MTCH2: variants seen among roughly 807,000 people sequenced by gnomAD.
MTCH2 encodes the protein mitochondrial carrier homolog 2.
Under a neutral mutation model 50.6 loss-of-function variants are expected in MTCH2, and 25 were observed. The observed-to-expected ratio is 0.49, with a 90% CI of 0.36 to 0.69. The LOEUF (loss-of-function observed/expected upper bound fraction) is 0.69, where lower values mean the gene tolerates loss of function less well. Ranked by LOEUF, MTCH2 falls within the 30% of genes least tolerant of loss-of-function variation. MTCH2 has a pLI of 0.00. For missense variants in MTCH2, 273 were observed against 384.4 expected, an observed-to-expected ratio of 0.71 and a Z score of 2.42; for synonymous variants, 106 against 132.0, an observed-to-expected ratio of 0.80 and a Z score of 1.35.
At position 47,638,694 on chromosome 11, in the gene MTCH2, CT is replaced by C; in HGVS notation, c.279+4del. On this transcript the variant is annotated splice_donor_region_variant and intron_variant, in intron 3 of 12. Transcript: ENST00000302503. ...ATGGGAAGATTGATTTAATTTTCCT[CT>C]TACCTGTAAAACTTTACCATGGACC... 2.3e-6 allele frequency: 3 copies of C among 1,287,890 alleles called. No individual in the cohort carries two copies. The highest frequency in any genetic ancestry group is 3.0e-6 in the Non-Finnish European group (3 of 1,011,776). The allele number at this position is 1,287,890 out of a possible 1,614,324, so 79.8% of individuals were successfully genotyped here.
intron 4 of MTCH2, 23 bp downstream of exon 4, chr11:47,635,522 C>A (rs2153800508): frequency 1.2e-6 from 2 of 1,612,834 alleles, no homozygotes; most frequent in East Asian, 4.5e-5. Context: ...GGCCCTCATG[C>A]TTAGAAATCA....
intron 12 of MTCH2, among the ~76,000 whole-genome samples, chr11:47,620,686 T>C (rs2097292464): frequency 6.6e-6 from 1 of 152,056 alleles, no homozygotes; most frequent in Admixed American, 6.6e-5. Flanking sequence ...AAAAATAAAG[T>C]AATAATGTTC....
chr11:47,627,865 G>A (rs943376757), intron 9 of MTCH2, among the ~76,000 whole-genome samples: 1 of 152,008 alleles, frequency 6.6e-6, no homozygotes, highest in Non-Finnish European at 1.5e-5. Context: ...TGATCAACCT[G>A]ATTCAATATT....
intron 12 of MTCH2, among the ~76,000 whole-genome samples, chr11:47,621,168 G>A (rs1391327091): frequency 6.6e-6 from 1 of 152,170 alleles, no homozygotes; most frequent in Admixed American, 6.5e-5. Context: ...AAGTATTCAA[G>A]CTTGGATTCA....
At chr11:47,611,544 T>C in the MTCH2 span, among the ~76,000 whole-genome samples, 1 of 152,244 alleles carries the variant, frequency 6.6e-6, no homozygotes, top group Non-Finnish European at 1.5e-5. Context: ...AATAGTCCAT[T>C]CTCTTGGCTG....
Position 47,631,046 on chromosome 11 carries a change from A to T in MTCH2, c.469T>A (p.Ser157Thr), listed in dbSNP as rs2097302537. ...RSMVQFIGRE[S>T]KYCGLCDSII... ...AACAAAAATACTTACCAGTACTTGGATTCTCTGCCAATGAACTGTACCATA... is the reference window on the plus strand; with the variant it reads ...AACAAAAATACTTACCAGTACTTGGTTTCTCTGCCAATGAACTGTACCATA... The change falls in exon 7 of 13, where the codon TCC becomes ACC. Residue 157 changes from serine (S) to threonine (T), a missense_variant. Physicochemically the swap from Ser to Thr is moderately conservative, Grantham distance 58. This residue lies in a region of MTCH2 where 203 missense variants were observed against 244.3 expected (regional missense o/e 0.83). Transcript: ENST00000302503. 6.2e-7 allele frequency: 1 copy of T among 1,612,084 alleles called. No homozygotes were observed. Among genetic ancestry groups the T allele is most frequent in the South Asian group, 1.1e-5 (1 of 91,022 alleles).
chr11:47,612,243 C>A, the MTCH2 span, among the ~76,000 whole-genome samples: 6 of 151,546 alleles, frequency 4.0e-5, no homozygotes, highest in African/African-American at 1.5e-4. Flanking sequence ...ATAGCAAACC[C>A]TGTCTCTACT....
chr11:47,620,294 AAAAC>A (rs1177809424), intron 12 of MTCH2, among the ~76,000 whole-genome samples: 1 of 151,904 alleles, frequency 6.6e-6, no homozygotes, highest in Non-Finnish European at 1.5e-5. Context: ...AAAATTAAAA[AAAAC>A]AAAAAACAAA....
At chr11:47,639,274 T>A (rs138953267) in intron 1 of MTCH2, among the ~76,000 whole-genome samples, 14 of 152,324 alleles carry the variant, frequency 9.2e-5, no homozygotes, top group African/African-American at 3.4e-4. Context: ...TCAAATTCTA[T>A]GACGTAAACC....
Position 47,631,559 on chromosome 11 carries a change from G to C in MTCH2, c.427+95C>G, listed in dbSNP as rs1598845914. 3.3e-6 allele frequency: 4 copies of C among 1,209,476 alleles called. No individual in the cohort carries two copies. In the East Asian group the frequency reaches 9.7e-5, roughly 29 times the overall value. The allele number at this position is 1,209,476 out of a possible 1,614,324, so 74.9% of individuals were successfully genotyped here. ...CAAGCAAGCAAACAAAAACATGCAG[G>C]CAAGGCATTTTAGTCAACTCCCACG... is the stretch of plus-strand genomic sequence containing the variant. On this transcript the variant is annotated intron_variant, in intron 6 of 12. Coordinates refer to ENST00000302503, the MANE Select transcript of MTCH2 (RefSeq NM_014342.4).
At chr11:47,613,236 C>CA (rs887976713), downstream of MTCH2, among the ~76,000 whole-genome samples, 21 of 151,756 alleles carry the variant, frequency 1.4e-4, no homozygotes, top group Admixed American at 1.2e-3. Context: ...CAAAACAAAA[C>CA]AAAAAAACAC....
chr11:47,642,357 A>C, intron 1 of MTCH2, 22 bp downstream of exon 1: 1 of 1,416,622 alleles, frequency 7.1e-7, no homozygotes, highest in Non-Finnish European at 9.2e-7. Context: ...CGGGCGGGGT[A>C]GGGAGCGGCG....
At chr11:47,630,319 A>G (rs181914514) in intron 8 of MTCH2, among the ~76,000 whole-genome samples, 6 of 152,256 alleles carry the variant, frequency 3.9e-5, no homozygotes, top group Admixed American at 2.6e-4. Flanking sequence ...AAATGTTTTA[A>G]GTATCTAGAA....
chr11:47,634,305 C>A (rs748102834), intron 5 of MTCH2, among the ~76,000 whole-genome samples: 1 of 152,072 alleles, frequency 6.6e-6, no homozygotes, highest in Non-Finnish European at 1.5e-5. Flanking sequence ...GTCTCTAACT[C>A]CTGGGGTCAA....
rs145052449 is a variant in MTCH2, at chr11:47,631,471, A to G, written c.427+183T>C. 1.9e-3 allele frequency among the ~76,000 whole-genome samples: 293 copies of G among 151,700 alleles called. 1 individual carries two copies. Among genetic ancestry groups the G allele is most frequent in the Middle Eastern group, 0.014 (4 of 294 alleles). On this transcript the variant is annotated intron_variant, in intron 6 of 12. Coordinates refer to ENST00000302503, the MANE Select transcript of MTCH2 (RefSeq NM_014342.4). ...TAAGATAGATTTTGATAGCCCTGGGAAAAAAAAAGATTTTCCACCTAAAGA... is the reference window on the plus strand; with the variant it reads ...TAAGATAGATTTTGATAGCCCTGGGGAAAAAAAAGATTTTCCACCTAAAGA...
chr11:47,641,021 C>T (rs2097313704), intron 1 of MTCH2, among the ~76,000 whole-genome samples: 3 of 151,676 alleles, frequency 2.0e-5, no homozygotes, highest in Admixed American at 2.0e-4. Flanking sequence ...CTCAGCCTCC[C>T]GACTAGCTGG....
the MTCH2 span, among the ~76,000 whole-genome samples, chr11:47,607,495 T>C: frequency 6.6e-6 from 1 of 152,222 alleles, no homozygotes; most frequent in East Asian, 1.9e-4. Flanking sequence ...TATGTGGTTC[T>C]GGGGCTGACC....
chr11:47,636,019 T>A (rs2097308250), intron 3 of MTCH2, among the ~76,000 whole-genome samples: 3 of 151,508 alleles, frequency 2.0e-5, no homozygotes, highest in Non-Finnish European at 4.4e-5. Context: ...TCCCAGCTCT[T>A]AGGGAGGCTG....
At chr11:47,635,689 G>GTT (rs772508663) in intron 3 of MTCH2, 118 bp from the exon 4 acceptor site, 432 of 703,246 alleles carry the variant, frequency 6.1e-4, no homozygotes, top group Non-Finnish European at 7.2e-4. Flanking sequence ...TAAAGTTTTT[G>GTT]TTTTTTTTTT....
Sources: allele counts gnomAD v4.1 joint callset (sites outside exome capture counted in the v4.1 genomes callset), GRCh38; gene constraint gnomAD v4.1.1; regional missense constraint gnomAD v4.1.1; transcripts MANE v1.5; gene names NCBI Gene and HGNC (gene_info 2026-07-23, HGNC 2026-07-21).